NRCAM: variants seen among roughly 807,000 people sequenced by gnomAD.
NRCAM encodes neuronal cell adhesion molecule.
In NRCAM, 83 loss-of-function variants were observed where a neutral mutation model predicts 156.5. The ratio of observed to expected loss-of-function variants is 0.53; its 90% confidence interval spans 0.44 to 0.64. The LOEUF (loss-of-function observed/expected upper bound fraction) is 0.64, where lower values mean the gene tolerates loss of function less well. Among genes scored for constraint, NRCAM ranks in the 30% least tolerant of loss-of-function variants. The probability of loss-of-function intolerance (pLI) is 0.00; values close to 1 mark genes in which losing one functional copy is unlikely to be tolerated. For missense variants in NRCAM, 1,417 were observed against 1,597.3 expected, an observed-to-expected ratio of 0.89 and a Z score of 1.92; for synonymous variants, 538 against 563.9, an observed-to-expected ratio of 0.95 and a Z score of 0.65.
intron 2 of NRCAM, among the ~76,000 whole-genome samples, chr7:108,368,195 G>A (rs942095067): frequency 6.7e-6 from 1 of 149,736 alleles, no homozygotes; most frequent in African/African-American, 2.5e-5. Flanking sequence ...TCCTGCAGGA[G>A]CCTCAGCCAC....
At chr7:108,416,709 C>G (rs984265190) in intron 1 of NRCAM, among the ~76,000 whole-genome samples, 1 of 152,164 alleles carries the variant, frequency 6.6e-6, no homozygotes, top group African/African-American at 2.4e-5. Context: ...GGGACCTTCT[C>G]CAACAAGGCA....
At chr7:108,255,919 G>T (rs1193476414) in intron 3 of NRCAM, among the ~76,000 whole-genome samples, 1 of 148,204 alleles carries the variant, frequency 6.7e-6, no homozygotes, top group East Asian at 2.0e-4. Context: ...GAGGTGGGGG[G>T]CAGCCCCCAC....
intron 1 of NRCAM, among the ~76,000 whole-genome samples, chr7:108,455,454 G>A (rs1334494760): frequency 1.3e-5 from 2 of 152,286 alleles, no homozygotes; most frequent in East Asian, 1.9e-4. Flanking sequence ...AATCTTTCCA[G>A]GCAGCCCCCA....
At chr7:108,446,443 G>T (rs1844280308) in intron 1 of NRCAM, among the ~76,000 whole-genome samples, 1 of 152,176 alleles carries the variant, frequency 6.6e-6, no homozygotes, top group African/African-American at 2.4e-5. Flanking sequence ...CATGTATTCA[G>T]TCATTCATTC....
chr7:108,424,959 T>C (rs942122949), intron 1 of NRCAM, among the ~76,000 whole-genome samples: 2 of 152,210 alleles, frequency 1.3e-5, no homozygotes, highest in African/African-American at 4.8e-5. Flanking sequence ...TGCATGATTA[T>C]TTTCTCAATT....
intron 2 of NRCAM, among the ~76,000 whole-genome samples, chr7:108,334,763 T>C (rs545627236): frequency 1.3e-5 from 2 of 152,066 alleles, no homozygotes; most frequent in African/African-American, 2.4e-5. Flanking sequence ...CTACCAAACA[T>C]CACCCTCCCA....
At chr7:108,407,408 A>G (rs988269624) in intron 1 of NRCAM, among the ~76,000 whole-genome samples, 1 of 152,172 alleles carries the variant, frequency 6.6e-6, no homozygotes, top group Non-Finnish European at 1.5e-5. Context: ...CTGAAAAACC[A>G]CCAGTAAGAT....
intron 3 of NRCAM, among the ~76,000 whole-genome samples, chr7:108,305,518 A>C (rs1399185121): frequency 6.6e-6 from 1 of 152,174 alleles, no homozygotes; most frequent in Non-Finnish European, 1.5e-5. Flanking sequence ...ATAAATAGAA[A>C]TGTGCAGAAG....
chr7:108,258,701 T>C (rs1366656198), intron 3 of NRCAM, among the ~76,000 whole-genome samples: 2 of 152,226 alleles, frequency 1.3e-5, no homozygotes, highest in Non-Finnish European at 2.9e-5. Flanking sequence ...CCTCCGGGGC[T>C]GTTGAGATAA....
chr7:108,313,233 C>A (rs2098828504), intron 2 of NRCAM: 1 of 152,154 alleles, frequency 6.6e-6, no homozygotes, highest in Non-Finnish European at 1.5e-5. Context: ...GAGCAGTGGA[C>A]AGCTCCCAAG....
At chr7:108,393,363 G>A (rs1321669919) in intron 2 of NRCAM, among the ~76,000 whole-genome samples, 2 of 152,174 alleles carry the variant, frequency 1.3e-5, no homozygotes, top group Admixed American at 6.5e-5. Context: ...GACCCTCCGA[G>A]CCAGGTGCCA....
rs983392648 is a variant in NRCAM, at chr7:108,299,212, A to C, written c.-107+13453T>G. Among the ~76,000 whole-genome samples, 7 of 151,400 alleles carry C rather than the reference A, an allele frequency of 4.6e-5. No homozygotes were observed. The East Asian group carries it at 1.2e-3, about 25-fold the overall frequency. ...AAAGGGGCCAGGGAAAGGAGTAAAA[A>C]GTCACATCAAAGCAGCTATCAGTAA... is the stretch of plus-strand genomic sequence containing the variant. On this transcript the variant is annotated intron_variant, in intron 3 of 32. Coordinates refer to ENST00000379028, the MANE Select transcript of NRCAM (RefSeq NM_001037132.4).
chr7:108,406,387 T>C (rs1216468146), intron 1 of NRCAM, among the ~76,000 whole-genome samples: 2 of 152,306 alleles, frequency 1.3e-5, no homozygotes, highest in South Asian at 2.1e-4. Flanking sequence ...CAAGGCCTCA[T>C]GTAAAGGGTT....
intron 3 of NRCAM, among the ~76,000 whole-genome samples, chr7:108,306,885 G>A (rs1433654431): frequency 6.6e-6 from 1 of 152,142 alleles, no homozygotes; most frequent in Non-Finnish European, 1.5e-5. Flanking sequence ...AGTGCAAACT[G>A]TACTCCATAA....
intron 13 of NRCAM, among the ~76,000 whole-genome samples, chr7:108,203,986 CCTTCACCTCT>C (rs1219864346): frequency 6.6e-6 from 1 of 152,166 alleles, no homozygotes; most frequent in African/African-American, 2.4e-5. Flanking sequence ...TCAGTTCCTA[CCTTCACCTCT>C]CTGCATCTCC....
intron 3 of NRCAM, among the ~76,000 whole-genome samples, chr7:108,272,467 C>A (rs898775853): frequency 6.6e-6 from 1 of 152,114 alleles, no homozygotes; most frequent in African/African-American, 2.4e-5. Context: ...CAAACCTGAC[C>A]AGTTGACGAT....
intron 2 of NRCAM, among the ~76,000 whole-genome samples, chr7:108,331,533 T>C (rs1490016608): frequency 2.0e-5 from 3 of 152,244 alleles, no homozygotes; most frequent in Non-Finnish European, 4.4e-5. Context: ...AGTTTCCTTA[T>C]ATGTAAAATC....
chr7:108,155,101 T>TATATATATATACACACACACAC, intron 32 of NRCAM, among the ~76,000 whole-genome samples: 1 of 123,120 alleles, frequency 8.1e-6, no homozygotes, highest in South Asian at 2.6e-4. Flanking sequence ...TATATATATA[T>TATATATATATACACACACACAC]ACACACACAC....
chr7:108,397,722 T>G (rs2099780963), intron 2 of NRCAM, among the ~76,000 whole-genome samples: 1 of 152,224 alleles, frequency 6.6e-6, no homozygotes, highest in Non-Finnish European at 1.5e-5. Context: ...AAAGCTCCTT[T>G]CGTAAATAAT....
Sources: allele counts gnomAD v4.1 joint callset (sites outside exome capture counted in the v4.1 genomes callset), GRCh38; gene constraint gnomAD v4.1.1; transcripts MANE v1.5; gene names NCBI Gene and HGNC (gene_info 2026-07-23, HGNC 2026-07-21).